The following ETF1 variants were observed in gnomAD, a reference collection of about 807,000 sequenced individuals.
The protein encoded by ETF1 is eukaryotic peptide chain release factor subunit 1.
Under a neutral mutation model 55.1 loss-of-function variants are expected in ETF1, and 4 were observed. The ratio of observed to expected loss-of-function variants is 0.07; its 90% CI spans 0.04 to 0.17. The LOEUF (loss-of-function observed/expected upper bound fraction) is 0.17, where lower values mean the gene tolerates loss of function less well. Ranked by LOEUF, ETF1 falls within the 10% of genes least tolerant of loss-of-function variation. ETF1 has a pLI of 1.00. For missense variants in ETF1, 142 were observed against 523.6 expected (o/e 0.27, Z 7.11); for synonymous variants, 157 against 182.3 (o/e 0.86, Z 1.12).
intron 6 of ETF1, among the ~76,000 whole-genome samples, chr5:138,512,259 T>TATATTTTATATATATATA (rs57032066): frequency 6.3e-5 from 1 of 15,796 alleles, no homozygotes; most frequent in African/African-American, 2.9e-4. Flanking sequence ...TATATATATA[T>TATATTTTATATATATATA]TTTTTTTTTT....
At chr5:138,522,715 ACACTACATTGGC>A (rs1484525620) in intron 2 of ETF1, among the ~76,000 whole-genome samples, 28 of 152,224 alleles carry the variant, frequency 1.8e-4, no homozygotes, top group African/African-American at 6.8e-4. Flanking sequence ...GCATTAACTT[ACACTACATTGGC>A]CAGGTGTGGT....
chr5:138,527,234 C>G (rs1465358668), intron 2 of ETF1, among the ~76,000 whole-genome samples: 1 of 152,144 alleles, frequency 6.6e-6, no homozygotes, highest in Non-Finnish European at 1.5e-5. Context: ...GTTACATATC[C>G]AAAAATCAGA....
At chr5:138,516,700 G>A (rs1318145133) in intron 4 of ETF1, among the ~76,000 whole-genome samples, 1 of 152,176 alleles carries the variant, frequency 6.6e-6, no homozygotes, top group East Asian at 1.9e-4. Flanking sequence ...TTTGAAAACA[G>A]ACAGCTTTGT....
intron 2 of ETF1, among the ~76,000 whole-genome samples, chr5:138,521,982 T>A (rs189958463): frequency 7.9e-5 from 12 of 152,330 alleles, no homozygotes; most frequent in Non-Finnish European, 1.5e-4. Context: ...CATCCTGATT[T>A]TTCTTAGTTT....
intron 2 of ETF1, chr5:138,519,158 C>G: frequency 1.0e-6 from 1 of 984,478 alleles, no homozygotes; most frequent in Non-Finnish European, 1.2e-6. Flanking sequence ...AAGAAGCTAT[C>G]TATGATAAAT....
chr5:138,522,242 ATATTATCTCT>A (rs769198253), intron 2 of ETF1, among the ~76,000 whole-genome samples: 10 of 152,212 alleles, frequency 6.6e-5, no homozygotes, highest in Non-Finnish European at 1.5e-4. Flanking sequence ...TATGCAAATC[ATATTATCTCT>A]TAAGATTTAT....
intron 2 of ETF1, among the ~76,000 whole-genome samples, chr5:138,538,571 G>T (rs1295662696): frequency 6.6e-6 from 1 of 151,998 alleles, no homozygotes; most frequent in African/African-American, 2.4e-5. Context: ...GACAAAAAAA[G>T]TCTTCTTTAT....
chr5:138,511,777 G>C (rs1322421295), intron 6 of ETF1, 173 bp from the exon 7 acceptor site: 4 of 981,812 alleles, frequency 4.1e-6, no homozygotes, highest in Non-Finnish European at 4.8e-6. Flanking sequence ...CTCTTAAAGT[G>C]AACAGCACTG....
intron 7 of ETF1, 76 bp downstream of exon 7, chr5:138,511,389 TACACACACAC>T (rs747982310): frequency 0.2 from 274,094 of 1,377,312 alleles, 21,789 homozygotes; most frequent in Admixed American, 0.24. Context: ...ATCACGTACA[TACACACACAC>T]ACATACACAC....
intron 2 of ETF1, among the ~76,000 whole-genome samples, chr5:138,527,245 A>T (rs1177812558): frequency 6.6e-6 from 1 of 152,142 alleles, no homozygotes; most frequent in African/African-American, 2.4e-5. Flanking sequence ...AAAAATCAGA[A>T]TTCTGTTTGG....
chr5:138,535,689 C>T (rs1395083913), intron 2 of ETF1, among the ~76,000 whole-genome samples: 1 of 148,184 alleles, frequency 6.7e-6, no homozygotes, highest in African/African-American at 2.5e-5. Context: ...CCACTGCACT[C>T]CAGCCTGGGC....
chr5:138,543,026 C>T, intron 1 of ETF1, 71 bp downstream of exon 1: 9 of 1,169,004 alleles, frequency 7.7e-6, no homozygotes, highest in Non-Finnish European at 1.1e-5. Context: ...CGCCATCCCC[C>T]AGAGGCCCTC....
intron 4 of ETF1, among the ~76,000 whole-genome samples, chr5:138,517,330 C>T (rs1364701723): frequency 1.3e-5 from 2 of 151,778 alleles, no homozygotes; most frequent in Non-Finnish European, 2.9e-5. Context: ...GAGATCATAC[C>T]ACTGCACTCC....
chr5:138,513,467 G>A, intron 5 of ETF1, 101 bp downstream of exon 5: 2 of 1,054,200 alleles, frequency 1.9e-6, no homozygotes, highest in Non-Finnish European at 1.4e-6. Context: ...GCCTCCCAAA[G>A]TGCTGGGATT....
intron 2 of ETF1, among the ~76,000 whole-genome samples, chr5:138,521,112 A>G (rs149410488): frequency 9.1e-4 from 139 of 152,334 alleles, no homozygotes; most frequent in African/African-American, 3.3e-3. Context: ...ACAAATAAAA[A>G]AAAGTGGTGT....
chr5:138,518,127 G>C (rs1179954392), intron 3 of ETF1, among the ~76,000 whole-genome samples: 1 of 151,462 alleles, frequency 6.6e-6, no homozygotes, highest in African/African-American at 2.4e-5. Context: ...ACTTCAACCT[G>C]GGAGGCTTGT....
chr5:138,515,508 G>T (rs966503405), intron 4 of ETF1, among the ~76,000 whole-genome samples: 2 of 152,178 alleles, frequency 1.3e-5, no homozygotes, highest in Admixed American at 1.3e-4. Flanking sequence ...TGACCCGTTA[G>T]GTAGATTGAA....
chr5:138,520,649 T>C (rs1003953551), intron 2 of ETF1, among the ~76,000 whole-genome samples: 1 of 152,016 alleles, frequency 6.6e-6, no homozygotes, highest in African/African-American at 2.4e-5. Flanking sequence ...GAGGCCCCCA[T>C]CTGTACAAAA....
chr5:138,511,765 T>G, intron 6 of ETF1, 161 bp from the exon 7 acceptor site: 2 of 984,784 alleles, frequency 2.0e-6, no homozygotes, highest in Non-Finnish European at 2.4e-6. Flanking sequence ...AATCAAAAGC[T>G]GCTCTTAAAG....
Sources: allele counts gnomAD v4.1 joint callset (sites outside exome capture counted in the v4.1 genomes callset), GRCh38; gene constraint gnomAD v4.1.1; transcripts MANE v1.5; gene names NCBI Gene and HGNC (gene_info 2026-07-23, HGNC 2026-07-21).